MTA3: variants seen among roughly 807,000 people sequenced by gnomAD.
The protein encoded by MTA3 is metastasis-associated protein MTA3.
MTA3 carries 34 observed loss-of-function variants against 83.5 expected under a neutral mutation model. The observed-to-expected ratio is 0.41, with a 90% confidence interval of 0.31 to 0.54. MTA3 has a LOEUF of 0.54. Ranked by LOEUF, MTA3 falls within the 20% of genes least tolerant of loss-of-function variation. The pLI, the probability that MTA3 is intolerant of heterozygous loss-of-function variation, is 0.33. For synonymous variants in MTA3, 303 were observed against 252.7 expected (o/e 1.20, Z -1.89); for missense variants, 761 against 726.4 (o/e 1.05, Z -0.55).
intron 2 of MTA3, among the ~76,000 whole-genome samples, chr2:42,555,997 A>C (rs1159958985): frequency 6.6e-6 from 1 of 150,906 alleles, no homozygotes; most frequent in Non-Finnish European, 1.5e-5. Flanking sequence ...GCTAGAACCC[A>C]GGAGATGGAA....
Position 42,568,732 on chromosome 2 carries a change from G to C in MTA3, c.-14G>C, listed in dbSNP as rs1413344612. 14 of 1,215,370 alleles carry C rather than the reference G, an allele frequency of 1.2e-5. No homozygotes were observed. Among genetic ancestry groups the C allele is most frequent in the Middle Eastern group, 3.0e-4 (1 of 3,286 alleles). The allele number at this position is 1,215,370 out of a possible 1,614,324, so 75.3% of individuals were successfully genotyped here. A position where few individuals can be genotyped will look rare whatever the true frequency, so the allele number is the denominator to read the frequency against. The stretch of plus-strand genomic sequence containing the variant: ...GCGGGGCTCGGCTCGGGCTCCGCGG[G>C]CGGGCGGGCGGACATGGCGGCCAAC... On this transcript the variant is annotated 5_prime_UTR_variant, in exon 1 of 17. Transcript: ENST00000405094.
At position 42,660,154 on chromosome 2, in the gene MTA3, T is replaced by C. The variant is rs555221613; in HGVS notation, c.702+292T>C. 2.0e-5 allele frequency among the ~76,000 whole-genome samples: 3 copies of C among 152,166 alleles called. 1 individual carries two copies. The South Asian group carries it at 6.2e-4, about 32-fold the overall frequency. ...ACCAGGCTGGAGTGCAGTGGCATGATCTCAGCTCACTGCAACCTCCGCCTC... is the reference window on the plus strand; with the variant it reads ...ACCAGGCTGGAGTGCAGTGGCATGACCTCAGCTCACTGCAACCTCCGCCTC... On this transcript the variant is annotated intron_variant, in intron 8 of 16. Transcript: ENST00000405094.
At chr2:42,664,534 C>T (rs1386855772) in intron 8 of MTA3, among the ~76,000 whole-genome samples, 3 of 121,044 alleles carry the variant, frequency 2.5e-5, no homozygotes, top group South Asian at 2.9e-4. Flanking sequence ...AGTGCAGTGG[C>T]GTGATCTTGG....
intron 2 of MTA3, among the ~76,000 whole-genome samples, chr2:42,514,401 A>G (rs1675040913): frequency 6.6e-6 from 1 of 152,012 alleles, no homozygotes; most frequent in Admixed American, 6.6e-5. Flanking sequence ...GTTTGTTTTG[A>G]GATAGAGTCT....
At chr2:42,533,871 A>G (rs150889629) in intron 2 of MTA3, among the ~76,000 whole-genome samples, 219 of 151,652 alleles carry the variant, frequency 1.4e-3, no homozygotes, top group South Asian at 3.8e-3. Context: ...AAACGAAAGA[A>G]TGGCTATTCC....
intron 4 of MTA3, among the ~76,000 whole-genome samples, chr2:42,610,022 T>G (rs1459465692): frequency 6.6e-6 from 1 of 152,004 alleles, no homozygotes; most frequent in East Asian, 1.9e-4. Flanking sequence ...ATTGCTTGAA[T>G]CTAGGAAGCA....
chr2:42,673,373 A>T (rs1691018701), intron 8 of MTA3, among the ~76,000 whole-genome samples: 1 of 152,218 alleles, frequency 6.6e-6, no homozygotes, highest in South Asian at 2.1e-4. Flanking sequence ...TGTTCAACTT[A>T]ACAATTTTTG....
At chr2:42,534,256 C>T (rs982549727) in intron 2 of MTA3, among the ~76,000 whole-genome samples, 1 of 152,148 alleles carries the variant, frequency 6.6e-6, no homozygotes, top group Admixed American at 6.6e-5. Flanking sequence ...TTCTCCAATA[C>T]ACTTCAGTGC....
rs1174820755 is a variant in MTA3, at chr2:42,719,038, A to G, written c.1576A>G (p.Thr526Ala). The G allele has an allele frequency of 4.5e-6, 7 of 1,550,410 alleles. No individual in the cohort carries two copies. The East Asian group carries it at 1.5e-4, about 32-fold the overall frequency. The change falls in exon 15 of 17, where the codon ACT (threonine) becomes GCT (alanine). Residue 526 changes from threonine to alanine, a missense_variant. Transcript: ENST00000405094. The stretch of plus-strand genomic sequence containing the variant: ...TGGAAGTCCACTGAAAAGCAAAAGC[A>G]CTAGGAAGCCTTTGGCATGTATCAT... Reference protein sequence around the residue: ...LSGSPLKSKSTRKPLACIIGY... With the variant: ...LSGSPLKSKSARKPLACIIGY...
intron 2 of MTA3, among the ~76,000 whole-genome samples, chr2:42,575,993 A>G (rs1256011371): frequency 6.6e-6 from 1 of 152,186 alleles, no homozygotes; most frequent in East Asian, 1.9e-4. Context: ...GGTAGTTTGA[A>G]TGGCTAATTG....
chr2:42,576,934 A>G (rs1679102976), intron 2 of MTA3, among the ~76,000 whole-genome samples: 1 of 150,528 alleles, frequency 6.6e-6, no homozygotes, highest in Admixed American at 6.6e-5. Context: ...CCACCTCTAA[A>G]CTGAAAATAC....
intron 2 of MTA3, among the ~76,000 whole-genome samples, chr2:42,540,834 C>CAA (rs111470436): frequency 7.5e-6 from 1 of 133,054 alleles, no homozygotes; most frequent in Admixed American, 7.8e-5. Context: ...GACCCTGTCT[C>CAA]AAAAAAAAAA....
At chr2:42,611,424 A>G (rs1684210148) in intron 4 of MTA3, among the ~76,000 whole-genome samples, 1 of 152,120 alleles carries the variant, frequency 6.6e-6, no homozygotes, top group South Asian at 2.1e-4. Flanking sequence ...CTTCCATGGC[A>G]GGAAGTATGT....
At chr2:42,721,942 A>T (rs1469446722) in intron 15 of MTA3, among the ~76,000 whole-genome samples, 2 of 152,182 alleles carry the variant, frequency 1.3e-5, no homozygotes, top group Middle Eastern at 3.2e-3. Context: ...CCATTTCTAA[A>T]TTTTGGCAAG....
intron 4 of MTA3, among the ~76,000 whole-genome samples, chr2:42,623,807 C>T (rs1333624746): frequency 2.6e-5 from 4 of 151,538 alleles, no homozygotes; most frequent in East Asian, 1.9e-4. Context: ...TGTCCTGGCT[C>T]AGCCTCCCAA....
At chr2:42,695,656 A>G (rs1693323024) in intron 9 of MTA3, 109 bp from the exon 10 acceptor site, 1 of 479,414 alleles carries the variant, frequency 2.1e-6, no homozygotes, top group Non-Finnish European at 3.4e-6. Flanking sequence ...AAAAAAAAAA[A>G]AAAAAGAAAG....
At chr2:42,645,044 A>C (rs1688042583) in intron 6 of MTA3, among the ~76,000 whole-genome samples, 1 of 152,172 alleles carries the variant, frequency 6.6e-6, no homozygotes, top group Non-Finnish European at 1.5e-5. Context: ...GCGTGTCAGA[A>C]GCCAAGATAG....
chr2:42,508,872 A>C, intron 2 of MTA3, among the ~76,000 whole-genome samples: 1 of 146,260 alleles, frequency 6.8e-6, no homozygotes, highest in South Asian at 2.2e-4. Flanking sequence ...ATTATATAAT[A>C]TATTATATAT....
intron 5 of MTA3, among the ~76,000 whole-genome samples, chr2:42,642,939 C>A (rs148440167): frequency 9.9e-5 from 15 of 152,214 alleles, no homozygotes; most frequent in African/African-American, 3.4e-4. Context: ...GCCACTGCAC[C>A]TGGCCTAAGC....
Sources: gnomAD v4.1 joint callset for allele counts (sites outside exome capture counted in the v4.1 genomes callset) on GRCh38, gnomAD v4.1.1 for gene constraint, MANE v1.5 for transcripts, NCBI Gene and HGNC (gene_info 2026-07-23, HGNC 2026-07-21) for gene names.